The following HPSE2 variants were observed in gnomAD, a reference collection of about 807,000 sequenced individuals.
HPSE2 encodes inactive heparanase-2.
HPSE2 carries 38 observed loss-of-function variants against 60.5 expected under a neutral mutation model. The ratio of observed to expected loss-of-function variants is 0.63; its 90% CI spans 0.48 to 0.82. HPSE2 has a LOEUF of 0.82. HPSE2 is among the 40% of genes least tolerant of loss of function. The pLI, the probability that HPSE2 is intolerant of heterozygous loss-of-function variation, is 0.00. For missense variants in HPSE2, 713 were observed against 740.4 expected (o/e 0.96, Z 0.43); for synonymous variants, 295 against 293.2 (o/e 1.01, Z -0.06).
intron 9 of HPSE2, among the ~76,000 whole-genome samples, chr10:98,541,435 T>A (rs1424743569): frequency 6.6e-6 from 1 of 152,190 alleles, no homozygotes; most frequent in Non-Finnish European, 1.5e-5. Context: ...GGTACCGGGT[T>A]CATCTCACTA....
At position 99,144,295 on chromosome 10, in the gene HPSE2, G is replaced by A. The variant is rs767387356; in HGVS notation, c.553C>T (p.His185Tyr). 7 of 1,614,072 alleles carry A rather than the reference G, an allele frequency of 4.3e-6. No homozygotes were observed. In the Admixed American group the frequency reaches 6.7e-5, roughly 15 times the overall value. ...AATTGCTCCTTTAGAAGAACCAGATGCATCTGAGCTGCCTTCTCCCTTTGG... is the reference window on the plus strand; with the variant it reads ...AATTGCTCCTTTAGAAGAACCAGATACATCTGAGCTGCCTTCTCCCTTTGG... ...ELQREKAAQM[H>Y]LVLLKEQFSN... The change falls in exon 3 of 12, where the codon CAT (histidine) becomes TAT (tyrosine). Residue 185 changes from histidine (H) to tyrosine (Y), a missense_variant. Coordinates refer to ENST00000370552, the MANE Select transcript of HPSE2 (RefSeq NM_021828.5).
At chr10:99,176,877 T>C (rs928629488) in intron 2 of HPSE2, among the ~76,000 whole-genome samples, 1 of 151,282 alleles carries the variant, frequency 6.6e-6, no homozygotes, top group Non-Finnish European at 1.5e-5. Flanking sequence ...GAGAAAAAGG[T>C]CGGATTATCC....
At chr10:98,579,379 C>T (rs7908072) in intron 9 of HPSE2, among the ~76,000 whole-genome samples, 85,723 of 152,004 alleles carry the variant, frequency 0.56, 24,404 homozygotes, top group Middle Eastern at 0.65. Flanking sequence ...ACCTCCACCA[C>T]CTCACTGAAG....
chr10:98,696,804 G>A (rs1025480435), intron 5 of HPSE2, among the ~76,000 whole-genome samples: 2 of 152,282 alleles, frequency 1.3e-5, no homozygotes, highest in African/African-American at 2.4e-5. Flanking sequence ...GGGGAAGGCC[G>A]GCAGCCATCT....
intron 2 of HPSE2, among the ~76,000 whole-genome samples, chr10:99,165,529 GTATTTATTTATT>G (rs71009726): frequency 5.6e-5 from 8 of 143,986 alleles, no homozygotes; most frequent in Non-Finnish European, 9.1e-5. Context: ...ATTTATTTAC[GTATTTATTTATT>G]TATTTATTTA....
At chr10:99,173,225 ATCCCG>A (rs977825079) in intron 2 of HPSE2, among the ~76,000 whole-genome samples, 10 of 152,176 alleles carry the variant, frequency 6.6e-5, no homozygotes, top group African/African-American at 9.6e-5. Context: ...CTAGAATAAC[ATCCCG>A]TCATAGTATA....
intron 3 of HPSE2, among the ~76,000 whole-genome samples, chr10:99,120,925 A>G (rs537990806): frequency 6.6e-6 from 1 of 152,342 alleles, no homozygotes; most frequent in African/African-American, 2.4e-5. Flanking sequence ...TAAAAACAGA[A>G]CTACCATTCA....
chr10:99,163,416 T>C (rs1289657546), intron 2 of HPSE2, among the ~76,000 whole-genome samples: 1 of 152,136 alleles, frequency 6.6e-6, no homozygotes, highest in Admixed American at 6.5e-5. Context: ...GATGACATTC[T>C]CCTTCCTCTT....
chr10:99,164,869 A>G (rs936488390), intron 2 of HPSE2, among the ~76,000 whole-genome samples: 3 of 152,124 alleles, frequency 2.0e-5, no homozygotes, highest in Admixed American at 6.5e-5. Context: ...GCGGATCACG[A>G]GGTCAGGAGA....
intron 3 of HPSE2, among the ~76,000 whole-genome samples, chr10:98,886,290 A>G (rs1051205164): frequency 1.3e-5 from 2 of 152,274 alleles, no homozygotes; most frequent in Non-Finnish European, 1.5e-5. Context: ...GATACATCCA[A>G]GACACATAAG....
chr10:99,287,057 T>C, the HPSE2 span, among the ~76,000 whole-genome samples: 2 of 152,142 alleles, frequency 1.3e-5, no homozygotes, highest in Non-Finnish European at 2.9e-5. Flanking sequence ...ATTTGTTTCA[T>C]TTATCTTTGT....
intron 9 of HPSE2, among the ~76,000 whole-genome samples, chr10:98,600,880 TATAC>T (rs1565002731): frequency 1.6e-4 from 22 of 136,650 alleles, no homozygotes; most frequent in South Asian, 4.6e-4. Context: ...TATATGTATA[TATAC>T]ATATATACGT....
chr10:98,841,798 A>C (rs75260015), intron 3 of HPSE2, among the ~76,000 whole-genome samples: 4,077 of 151,716 alleles, frequency 0.027, 136 homozygotes, highest in East Asian at 0.16. Context: ...AGGGATTACA[A>C]TTCCTTGTAA....
chr10:99,052,791 C>T (rs1320103035), intron 3 of HPSE2, among the ~76,000 whole-genome samples: 1 of 151,982 alleles, frequency 6.6e-6, no homozygotes, highest in Non-Finnish European at 1.5e-5. Context: ...AAACTATCAA[C>T]TTAGAATTCT....
chr10:99,011,402 T>G (rs1430856244), intron 3 of HPSE2, among the ~76,000 whole-genome samples: 1 of 152,004 alleles, frequency 6.6e-6, no homozygotes, highest in Non-Finnish European at 1.5e-5. Flanking sequence ...GAAATTTAGT[T>G]TTTTTTTCTT....
chr10:98,528,136 C>T (rs964114028), intron 9 of HPSE2, among the ~76,000 whole-genome samples: 2 of 152,090 alleles, frequency 1.3e-5, no homozygotes, highest in East Asian at 1.9e-4. Context: ...TGGTATCACC[C>T]GCATTCTCAT....
rs115042847 is a variant in HPSE2 at position 99,235,530 on chromosome 10, G to A, written c.273C>T (p.Gly91=). The A allele has an allele frequency of 1.2e-6, 2 of 1,613,992 alleles. No homozygotes were observed. The highest frequency in any genetic ancestry group is 1.7e-6 in the Non-Finnish European group (2 of 1,180,026). Residue 91 remains glycine (G), a synonymous_variant, in exon 1 of 12, where the codon GGC becomes GGT. Coordinates refer to ENST00000370552, the MANE Select transcript of HPSE2 (RefSeq NM_021828.5). The stretch of plus-strand genomic sequence containing the variant: ...TGCCTTACCTTAGGAAATCGAGCCA[G>A]CCATCATGAATGATGGACGGATCCA... ...LQLDPSIIHD[G]WLDFLSSKRL...
At chr10:98,929,986 T>A (rs1248396891) in intron 3 of HPSE2, among the ~76,000 whole-genome samples, 2 of 143,792 alleles carry the variant, frequency 1.4e-5, no homozygotes, top group Non-Finnish European at 3.0e-5. Flanking sequence ...GAGTGCTTTT[T>A]TAAAAAAAAT....
chr10:98,678,761 A>T (rs914507279), intron 6 of HPSE2, among the ~76,000 whole-genome samples: 4 of 152,134 alleles, frequency 2.6e-5, no homozygotes, highest in Non-Finnish European at 5.9e-5. Context: ...AAATATTAAA[A>T]ATTAATTTCA....
Sources: gnomAD v4.1 joint callset for allele counts (sites outside exome capture counted in the v4.1 genomes callset) on GRCh38, gnomAD v4.1.1 for gene constraint, MANE v1.5 for transcripts, NCBI Gene and HGNC (gene_info 2026-07-23, HGNC 2026-07-21) for gene names.